SLC6A12: variants seen among roughly 807,000 people sequenced by gnomAD.
SLC6A12 encodes the protein sodium- and chloride-dependent betaine transporter.
SLC6A12 carries 50 observed loss-of-function variants against 73.3 expected under a neutral mutation model. The ratio of observed to expected loss-of-function variants is 0.68; its 90% confidence interval spans 0.54 to 0.86. The LOEUF (loss-of-function observed/expected upper bound fraction) is 0.86. Among genes scored for constraint, SLC6A12 ranks in the 40% least tolerant of loss-of-function variants. The probability of loss-of-function intolerance (pLI) is 0.00; values close to 1 mark genes in which losing one functional copy is unlikely to be tolerated. For missense variants in SLC6A12, 648 were observed against 772.8 expected (o/e 0.84, Z 1.92); for synonymous variants, 304 against 309.2 (o/e 0.98, Z 0.18).
chr12:206,736 T>C (rs535468919), intron 3 of SLC6A12, among the ~76,000 whole-genome samples: 118 of 152,312 alleles, frequency 7.7e-4, no homozygotes, highest in Middle Eastern at 3.4e-3. Flanking sequence ...ACAGTGCCAG[T>C]AACACCACTG....
At position 204,586 on chromosome 12, in the gene SLC6A12, C is replaced by T. The variant is rs749888013; in HGVS notation, c.327G>A (p.Arg109=). ...TACCCTGGAAGAGGGGGCAGATCTT[C>T]CTCCAGGCTGTGACACTCCCTTGGC... ...YTSQGSVTAW[R]KICPLFQGIG... is the part of the protein sequence containing the mutation. Residue 109 remains arginine, a synonymous_variant, in exon 4 of 16, where the codon AGG becomes AGA. Coordinates refer to ENST00000684302, the MANE Select transcript of SLC6A12 (RefSeq NM_001122848.3). The T allele has an allele frequency of 5.0e-6, 8 of 1,614,084 alleles. No individual in the cohort carries two copies. The Admixed American group carries it at 8.3e-5, about 17-fold the overall frequency.
intron 12 of SLC6A12, 28 bp from the exon 13 acceptor site, chr12:195,355 T>C: frequency 7.0e-7 from 1 of 1,436,066 alleles, no homozygotes; most frequent in Non-Finnish European, 9.8e-7. Context: ...AGCTGGGGCA[T>C]GGCCAGTGCA....
chr12:183,866 C>T, the SLC6A12 span, among the ~76,000 whole-genome samples: 8 of 151,818 alleles, frequency 5.3e-5, no homozygotes, highest in African/African-American at 1.9e-4. Flanking sequence ...CAAAATTCTA[C>T]TACACTTCAA....
downstream of SLC6A12, among the ~76,000 whole-genome samples, chr12:186,320 C>T (rs951178411): frequency 6.6e-6 from 1 of 152,228 alleles, no homozygotes; most frequent in Non-Finnish European, 1.5e-5. Flanking sequence ...AGGCCTTCCA[C>T]CGGCAGCCAC....
At chr12:187,589 CAAAAAAAAAAAAAAAAAAA>C (rs761187495), downstream of SLC6A12, among the ~76,000 whole-genome samples, 116 of 106,044 alleles carry the variant, frequency 1.1e-3, no homozygotes, top group African/African-American at 4.8e-3. Context: ...TGCAAAAGAG[CAAAAAAAAAAAAAAAAAAA>C]AAAAAAAAAA....
At chr12:196,673 G>T in intron 11 of SLC6A12, 97 bp downstream of exon 11, 1 of 868,274 alleles carries the variant, frequency 1.2e-6, no homozygotes, top group Non-Finnish European at 1.9e-6. Context: ...CAGGTGTGTG[G>T]TCAGGGGAGT....
rs748775870 is a variant in SLC6A12, at chr12:197,950, C to A, written c.900G>T (p.Gly300=). 3.7e-6 allele frequency: 6 copies of A among 1,613,418 alleles called. No homozygotes were observed. Among genetic ancestry groups the A allele is most frequent in the African/African-American group, 1.3e-5 (1 of 74,768 alleles). Residue 300 remains glycine, a synonymous_variant, in exon 9 of 16, where the codon GGG becomes GGT. Transcript: ENST00000684302. ...QIFFSFAICQ[G]CLTALGSYNK... ...TGTAGCTGCCCAGGGCTGTCAGGCA[C>A]CCCTGGCAGATGGCAAAGGAGAAGA...
downstream of SLC6A12, among the ~76,000 whole-genome samples, chr12:187,585 A>G (rs1939453442): frequency 1.8e-5 from 2 of 113,296 alleles, no homozygotes; most frequent in South Asian, 3.4e-4. Context: ...TTACTGCAAA[A>G]GAGCAAAAAA....
In SLC6A12 at chr12:201,800, T is replaced by C; in HGVS notation, c.540A>G (p.Pro180=). Residue 180 remains proline (P), a synonymous_variant, in exon 6 of 16, where the codon CCA becomes CCG. Transcript: ENST00000684302. ...LNHSGAGTVT[P]FENFTSPVME... ...TGACAGGTGAGGTAAAATTCTCAAA[T>C]GGGGTCACTGTGCCGGCTCCTGAGT... 6.2e-7 allele frequency: 1 copy of C among 1,614,058 alleles called. No individual in the cohort carries two copies. Among genetic ancestry groups the C allele is most frequent in the Non-Finnish European group, 8.5e-7 (1 of 1,179,972 alleles).
intron 6 of SLC6A12, chr12:201,356 T>C: frequency 4.5e-6 from 1 of 221,266 alleles, no homozygotes; most frequent in Non-Finnish European, 9.0e-6. Context: ...GTGGAGGGTG[T>C]GCCCATGTCT....
At chr12:188,724 C>T (rs770645523), downstream of SLC6A12, among the ~76,000 whole-genome samples, 11 of 151,656 alleles carry the variant, frequency 7.3e-5, no homozygotes, top group Non-Finnish European at 1.5e-4. Flanking sequence ...CACACACAGG[C>T]ACACACACAC....
At chr12:199,479 T>C (rs1940098000) in intron 7 of SLC6A12, among the ~76,000 whole-genome samples, 1 of 152,142 alleles carries the variant, frequency 6.6e-6, no homozygotes, top group South Asian at 2.1e-4. Context: ...TGCAGGCTAA[T>C]GGTTGGGGGA....
intron 4 of SLC6A12, chr12:203,657 G>GCCGTCCGGC (rs1488271820): frequency 2.0e-5 from 3 of 152,180 alleles, no homozygotes; most frequent in Non-Finnish European, 2.9e-5. Context: ...TGTGCTCGCG[G>GCCGTCCGGC]CCGTCCGGCC....
At chr12:185,077 C>A (rs57052808), downstream of SLC6A12, among the ~76,000 whole-genome samples, 70,027 of 152,092 alleles carry the variant, frequency 0.46, 16,568 homozygotes, top group Middle Eastern at 0.6. Flanking sequence ...TGATCGGAGA[C>A]ATAAAACTGT....
intron 2 of SLC6A12, chr12:210,422 A>G: frequency 9.4e-7 from 1 of 1,065,620 alleles, no homozygotes; most frequent in South Asian, 3.1e-5. Flanking sequence ...TCTGGCCTCC[A>G]GGTCAGAAGG....
chr12:184,082 G>A, the SLC6A12 span, among the ~76,000 whole-genome samples: 3 of 152,036 alleles, frequency 2.0e-5, no homozygotes, highest in Non-Finnish European at 2.9e-5. Flanking sequence ...ACTGAACCTA[G>A]TACTGAATAA....
chr12:212,116 A>G lies in SLC6A12; in HGVS notation c.-142-6T>C, dbSNP rs183220460. On this transcript the variant is annotated splice_polypyrimidine_tract_variant and splice_region_variant and intron_variant, in intron 1 of 15. Transcript: ENST00000684302. ...TCTCTGAACTCTAAGTTTCCCTGGA[A>G]GAGAGAAAGACCACTGCTCAAAGGG... is the stretch of plus-strand genomic sequence containing the variant. The G allele has an allele frequency of 6.6e-6, 1 of 152,344 alleles. No homozygotes were observed. Among genetic ancestry groups the G allele is most frequent in the African/African-American group, 2.4e-5 (1 of 41,564 alleles). The allele number at this position is 152,344 out of a possible 1,614,324, so 9.4% of individuals were successfully genotyped here.
rs1940841278 is a variant in SLC6A12 at position 210,055 on chromosome 12, A to G, written c.-57-12T>C. On this transcript the variant is annotated splice_polypyrimidine_tract_variant and intron_variant, in intron 2 of 15. Coordinates refer to ENST00000684302, the MANE Select transcript of SLC6A12 (RefSeq NM_001122848.3). The stretch of plus-strand genomic sequence containing the variant: ...ACGAGGGCCAAAGCCTGGTGGGAAG[A>G]GAAGAAATTAGCTGTAAAACCCGAC... 1 of 1,574,978 alleles carries G rather than the reference A, an allele frequency of 6.3e-7. No homozygotes were observed.
intron 13 of SLC6A12, 22 bp downstream of exon 13, chr12:195,203 C>A: frequency 6.8e-7 from 1 of 1,477,680 alleles, no homozygotes; most frequent in South Asian, 1.1e-5. Flanking sequence ...CCTGCTTTCC[C>A]ACCCCACTCC....
Sources: allele counts gnomAD v4.1 joint callset (sites outside exome capture counted in the v4.1 genomes callset), GRCh38; gene constraint gnomAD v4.1.1; transcripts MANE v1.5; gene names NCBI Gene and HGNC (gene_info 2026-07-23, HGNC 2026-07-21).